RYR1: variants seen among roughly 807,000 people sequenced by gnomAD.
RYR1 encodes the protein ryanodine receptor 1.
Under a neutral mutation model 583.5 loss-of-function variants are expected in RYR1, and 342 were observed. That is an observed-to-expected ratio of 0.59 (90% CI 0.54 to 0.64). RYR1 has a LOEUF of 0.64. Ranked by LOEUF, RYR1 falls within the 30% of genes least tolerant of loss-of-function variation. The pLI, the probability that RYR1 is intolerant of heterozygous loss-of-function variation, is 0.00. For missense variants in RYR1, 6,032 were observed against 6,917.2 expected, an observed-to-expected ratio of 0.87 and a Z score of 4.54; for synonymous variants, 2,791 against 2,822.5, an observed-to-expected ratio of 0.99 and a Z score of 0.35.
At chr19:38,507,209 A>C (rs1010366411) in intron 57 of RYR1, among the ~76,000 whole-genome samples, 4 of 139,262 alleles carry the variant, frequency 2.9e-5, no homozygotes, top group Non-Finnish European at 3.1e-5. Flanking sequence ...GGGCCCAGGG[A>C]GCAGAGGCGG....
chr19:38,579,366 A>G (rs1036839790), intron 99 of RYR1, among the ~76,000 whole-genome samples: 24 of 150,658 alleles, frequency 1.6e-4, no homozygotes, highest in African/African-American at 5.9e-4. Flanking sequence ...CGGAGGTTGC[A>G]GTGAGCTGAG....
At chr19:38,566,551 C>A (rs1053828369) in intron 91 of RYR1, among the ~76,000 whole-genome samples, 1 of 148,996 alleles carries the variant, frequency 6.7e-6, no homozygotes, top group African/African-American at 2.5e-5. Context: ...CTCGGAGATA[C>A]TCGTTGTGGG....
chr19:38,496,859 G>C lies in RYR1; in HGVS notation c.6797-1G>C. The stretch of plus-strand genomic sequence containing the variant: ...GTTCTCCCCACCTCTCGCCCCTGCA[G>C]GCATGCAGGGCTCCACGCCCCTGGA... On this transcript the variant is annotated splice_acceptor_variant, in intron 41 of 105. Coordinates refer to ENST00000359596, the MANE Select transcript of RYR1 (RefSeq NM_000540.3). LOFTEE classifies it high-confidence loss of function. The surrounding 1 kb of genome is among the most constrained non-coding windows in gnomAD (Gnocchi z 4.8). The C allele has an allele frequency of 6.2e-7, 1 of 1,611,432 alleles. No homozygotes were observed. Among genetic ancestry groups the C allele is most frequent in the Non-Finnish European group, 8.5e-7 (1 of 1,178,134 alleles).
rs776090648 is a variant in RYR1 at position 38,496,549 on chromosome 19, C to T, written c.6796+8C>T. On this transcript the variant is annotated splice_region_variant and intron_variant, in intron 41 of 105. Coordinates refer to ENST00000359596, the MANE Select transcript of RYR1 (RefSeq NM_000540.3). This position sits in a 1 kb window ranked among gnomAD's most constrained non-coding sequence, Gnocchi z 4.8. ...ACAGTGGCATCGGCCTGGGTGAGAA[C>T]CCCCGAGCCCAGGGGCTGTCCCCCA... 22 of 1,613,044 alleles carry T rather than the reference C, an allele frequency of 1.4e-5. No individual in the cohort carries two copies. The East Asian group carries it at 4.5e-4, about 33-fold the overall frequency.
intron 97 of RYR1, 112 bp from the exon 98 acceptor site, chr19:38,577,804 ATG>A: frequency 2.1e-6 from 3 of 1,417,810 alleles, no homozygotes; most frequent in Admixed American, 3.9e-5. Flanking sequence ...AAAAAAAAAA[ATG>A]CACCTCCCAT....
intron 84 of RYR1, among the ~76,000 whole-genome samples, chr19:38,542,838 T>C (rs932053609): frequency 6.8e-6 from 1 of 147,612 alleles, no homozygotes; most frequent in Non-Finnish European, 1.5e-5. Flanking sequence ...AAATTATTTA[T>C]TTATTTATTT....
At chr19:38,524,062 C>A in intron 70 of RYR1, 133 bp downstream of exon 70, 1 of 988,018 alleles carries the variant, frequency 1.0e-6, no homozygotes. Context: ...AGCCCCCACC[C>A]ATCCTCCTTC....
At chr19:38,484,972 A>AAAC (rs751689015) in intron 33 of RYR1, among the ~76,000 whole-genome samples, 21 of 152,200 alleles carry the variant, frequency 1.4e-4, no homozygotes, top group South Asian at 4.1e-4. Context: ...CCCCATCACT[A>AAAC]AACAACAACA....
chr19:38,574,164 G>T (rs1568597067), intron 96 of RYR1, among the ~76,000 whole-genome samples: 1 of 151,322 alleles, frequency 6.6e-6, no homozygotes, highest in Non-Finnish European at 1.5e-5. Flanking sequence ...GGAGGCTGAG[G>T]CATGAGAATC....
At chr19:38,505,990 A>T in intron 54 of RYR1, 44 bp downstream of exon 54, 17 of 1,576,896 alleles carry the variant, frequency 1.1e-5, no homozygotes, top group Non-Finnish European at 1.5e-5. Context: ...CGATGGGGGG[A>T]GGGTCTAGAA....
At chr19:38,487,334 C>T (rs1285944049) in intron 34 of RYR1, among the ~76,000 whole-genome samples, 1 of 152,022 alleles carries the variant, frequency 6.6e-6, no homozygotes, top group East Asian at 1.9e-4. Flanking sequence ...TTTATATATC[C>T]ATCTTTTTGG....
intron 105 of RYR1, 122 bp downstream of exon 105, chr19:38,586,698 C>T (rs1231921682): frequency 2.0e-5 from 19 of 955,312 alleles, no homozygotes; most frequent in South Asian, 5.4e-5. Flanking sequence ...GGGCTGGGCA[C>T]GGCGGCTCAC....
intron 76 of RYR1, 94 bp from the exon 77 acceptor site, chr19:38,532,396 T>C (rs1971776257): frequency 2.4e-6 from 3 of 1,259,888 alleles, no homozygotes; most frequent in Non-Finnish European, 3.5e-6. Context: ...GTGTTGGGAT[T>C]ACAGGCATGA....
chr19:38,544,371 A>G (rs1410385399), intron 87 of RYR1, among the ~76,000 whole-genome samples: 1 of 151,662 alleles, frequency 6.6e-6, no homozygotes, highest in Non-Finnish European at 1.5e-5. Flanking sequence ...TCTTTCCCTC[A>G]CCCCTTTGCA....
chr19:38,492,666 A>AG, intron 38 of RYR1, 30 bp downstream of exon 38: 1 of 745,580 alleles, frequency 1.3e-6, no homozygotes, highest in Non-Finnish European at 2.2e-6. Context: ...GGGAGAGGGC[A>AG]GGGGTGGGGT....
rs781458272 is a variant in RYR1 at position 38,505,921 on chromosome 19, C to G, written c.8516C>G (p.Thr2839Arg). ...GAGGAGAAGACGGAAAAGAAAAAAA[C>G]GCGGAAGATATCACAAAGTGCCCAG... is the stretch of plus-strand genomic sequence containing the variant. ...GEEEKTEKKK[T>R]RKISQSAQTY... The change falls in exon 54 of 106, where the codon ACG becomes AGG. Residue 2839 changes from threonine (T) to arginine (R), a missense_variant. Transcript: ENST00000359596. 13 of 1,613,408 alleles carry G rather than the reference C, an allele frequency of 8.1e-6. No homozygotes were observed. The highest frequency in any genetic ancestry group is 1.1e-5 in the South Asian group (1 of 91,052).
chr19:38,567,551 A>G (rs1220516909), intron 92 of RYR1, among the ~76,000 whole-genome samples: 1 of 151,590 alleles, frequency 6.6e-6, no homozygotes, highest in Non-Finnish European at 1.5e-5. Context: ...AGCCCCGACC[A>G]CTCTGGGCTG....
At chr19:38,578,547 C>G (rs1047512354) in intron 99 of RYR1, among the ~76,000 whole-genome samples, 1 of 152,124 alleles carries the variant, frequency 6.6e-6, no homozygotes, top group African/African-American at 2.4e-5. Context: ...TAAAAATTAG[C>G]TGGGGCTGGG....
intron 20 of RYR1, among the ~76,000 whole-genome samples, chr19:38,460,855 G>T (rs903726752): frequency 1.3e-5 from 2 of 152,146 alleles, no homozygotes; most frequent in African/African-American, 4.8e-5. Context: ...TGTGGTGGCG[G>T]GCGCCTATAA....
Sources: allele counts gnomAD v4.1 joint callset (sites outside exome capture counted in the v4.1 genomes callset), GRCh38; gene constraint gnomAD v4.1.1; non-coding constraint Gnocchi (gnomAD v3.1); transcripts MANE v1.5; gene names NCBI Gene and HGNC (gene_info 2026-07-23, HGNC 2026-07-21).